The following DNAAF11 variants were observed in gnomAD, a reference collection of about 807,000 sequenced individuals.
The protein encoded by DNAAF11 is leucine rich repeat containing 6.
DNAAF11 carries 45 observed loss-of-function variants against 60.8 expected under a neutral mutation model. That is an observed-to-expected ratio of 0.74 (90% CI 0.58 to 0.95). The LOEUF is 0.95. Ranked by LOEUF, DNAAF11 falls within the 40% of genes least tolerant of loss-of-function variation. DNAAF11 has a pLI of 0.00. For missense variants in DNAAF11, 546 were observed against 546.2 expected (o/e 1.00, Z 0.00); for synonymous variants, 191 against 183.5 (o/e 1.04, Z -0.33).
intron 11 of DNAAF11, among the ~76,000 whole-genome samples, chr8:132,575,444 T>C (rs988142693): frequency 6.6e-6 from 1 of 152,222 alleles, no homozygotes; most frequent in Non-Finnish European, 1.5e-5. Context: ...ATCTTTTAGG[T>C]GCCCAGTGCT....
rs532655918 is a variant in DNAAF11, at chr8:132,654,640, A to C, written c.256+2190T>G. Reference sequence around the variant, plus strand: ...AAATGAGAAAATGTGGGAAAGTCACAAAGATGTGGAAATTAAACAACACTG... The same window carrying C: ...AAATGAGAAAATGTGGGAAAGTCACCAAGATGTGGAAATTAAACAACACTG... On this transcript the variant is annotated intron_variant, in intron 3 of 11. Coordinates refer to ENST00000620350, the MANE Select transcript of DNAAF11 (RefSeq NM_012472.6). Among the ~76,000 whole-genome samples, 4 of 152,116 alleles carry C rather than the reference A, an allele frequency of 2.6e-5. No individual in the cohort carries two copies. In the South Asian group the frequency reaches 8.3e-4, roughly 32 times the overall value.
At chr8:132,580,284 G>A (rs1815192175) in intron 11 of DNAAF11, among the ~76,000 whole-genome samples, 1 of 152,160 alleles carries the variant, frequency 6.6e-6, no homozygotes, top group Non-Finnish European at 1.5e-5. Flanking sequence ...TGTGCAGTGA[G>A]GCATGAAGAG....
chr8:132,656,982 A>G (rs1823639617), intron 2 of DNAAF11, 75 bp from the exon 3 acceptor site: 3 of 545,902 alleles, frequency 5.5e-6, no homozygotes, highest in Non-Finnish European at 9.8e-6. Context: ...TATTACTAAA[A>G]TAATAAAGAA....
the DNAAF11 span, among the ~76,000 whole-genome samples, chr8:132,699,438 T>A: frequency 1.3e-5 from 2 of 152,092 alleles, no homozygotes; most frequent in Non-Finnish European, 2.9e-5. Flanking sequence ...GGATTGAGGG[T>A]AATTAACAAG....
intron 10 of DNAAF11, among the ~76,000 whole-genome samples, chr8:132,601,086 A>T (rs1347183244): frequency 6.6e-6 from 1 of 152,244 alleles, no homozygotes; most frequent in Non-Finnish European, 1.5e-5. Flanking sequence ...AGAAAAAATC[A>T]AACAACTCCA....
upstream of DNAAF11, among the ~76,000 whole-genome samples, chr8:132,676,729 G>T (rs73356863): frequency 0.12 from 18,891 of 152,082 alleles, 3,334 homozygotes; most frequent in African/African-American, 0.4. Context: ...CATCAGTTTG[G>T]CAATAAAGAG....
intron 1 of DNAAF11, among the ~76,000 whole-genome samples, chr8:132,673,722 C>T (rs1049569306): frequency 1.3e-5 from 2 of 152,062 alleles, no homozygotes; most frequent in Non-Finnish European, 2.9e-5. Context: ...CTCAGAGAAG[C>T]CTCCACCCAC....
chr8:132,590,463 C>T (rs1330590195), intron 10 of DNAAF11, among the ~76,000 whole-genome samples: 1 of 152,214 alleles, frequency 6.6e-6, no homozygotes, highest in Non-Finnish European at 1.5e-5. Flanking sequence ...TTTGACTTCT[C>T]AAATCTCCTA....
chr8:132,675,669 C>A, upstream of DNAAF11: 1 of 556,400 alleles, frequency 1.8e-6, no homozygotes, highest in Non-Finnish European at 3.1e-6. Flanking sequence ...CTCCGCGGAG[C>A]AAGCAGAGGA....
chr8:132,615,576 C>A (rs923272610), intron 7 of DNAAF11, among the ~76,000 whole-genome samples: 1 of 152,120 alleles, frequency 6.6e-6, no homozygotes, highest in African/African-American at 2.4e-5. Flanking sequence ...CTTTCCATTG[C>A]CCTGAAAAAG....
chr8:132,663,108 G>T (rs1430359934), intron 1 of DNAAF11, among the ~76,000 whole-genome samples: 1 of 152,144 alleles, frequency 6.6e-6, no homozygotes, highest in Non-Finnish European at 1.5e-5. Flanking sequence ...AGGCAGAGAT[G>T]GTCACAAACC....
intron 1 of DNAAF11, among the ~76,000 whole-genome samples, chr8:132,665,135 GA>G (rs1346765814): frequency 6.6e-6 from 1 of 152,082 alleles, no homozygotes; most frequent in Non-Finnish European, 1.5e-5. Flanking sequence ...ACTCTCCTAT[GA>G]CAAGCAAACT....
At chr8:132,701,470 GT>G in the DNAAF11 span, among the ~76,000 whole-genome samples, 31 of 152,168 alleles carry the variant, frequency 2.0e-4, no homozygotes, top group African/African-American at 7.5e-4. Flanking sequence ...AAGCTTTTCT[GT>G]CTGCCTTTCT....
At chr8:132,614,384 A>T (rs1276206212) in intron 8 of DNAAF11, among the ~76,000 whole-genome samples, 1 of 152,220 alleles carries the variant, frequency 6.6e-6, no homozygotes, top group Non-Finnish European at 1.5e-5. Context: ...CCAGGGCCTA[A>T]AATCTTCAGG....
At chr8:132,587,601 G>A (rs779684544) in intron 10 of DNAAF11, among the ~76,000 whole-genome samples, 3 of 152,048 alleles carry the variant, frequency 2.0e-5, no homozygotes, top group Non-Finnish European at 4.4e-5. Context: ...ATCAAACATC[G>A]TCTTATTCAT....
intron 7 of DNAAF11, among the ~76,000 whole-genome samples, chr8:132,618,000 G>A (rs1819351453): frequency 6.7e-6 from 1 of 149,496 alleles, no homozygotes; most frequent in South Asian, 2.1e-4. Flanking sequence ...TCAATCCTAA[G>A]CCAAAAGAAC....
At chr8:132,699,809 A>C in the DNAAF11 span, among the ~76,000 whole-genome samples, 1 of 152,218 alleles carries the variant, frequency 6.6e-6, no homozygotes, top group African/African-American at 2.4e-5. Flanking sequence ...GAGTCGGATA[A>C]ACATACAAAC....
chr8:132,657,787 C>G (rs1009968720), intron 2 of DNAAF11, among the ~76,000 whole-genome samples: 13 of 152,128 alleles, frequency 8.5e-5, no homozygotes, highest in Non-Finnish European at 1.8e-4. Flanking sequence ...TTATTTAATC[C>G]TCATAATAAC....
chr8:132,594,483 G>A (rs1301884220), intron 10 of DNAAF11, among the ~76,000 whole-genome samples: 1 of 152,130 alleles, frequency 6.6e-6, no homozygotes, highest in African/African-American at 2.4e-5. Flanking sequence ...TAATACAAAG[G>A]AGACAGATGT....
Sources: allele counts gnomAD v4.1 joint callset (sites outside exome capture counted in the v4.1 genomes callset), GRCh38; gene constraint gnomAD v4.1.1; transcripts MANE v1.5; gene names NCBI Gene and HGNC (gene_info 2026-07-23, HGNC 2026-07-21).